Variants in SMG1 observed in about 807,000 individuals in gnomAD.
SMG1 encodes the protein serine/threonine-protein kinase SMG1.
In SMG1, 22 loss-of-function variants were observed where a neutral mutation model predicts 419.9. The ratio of observed to expected loss-of-function variants is 0.05; its 90% CI spans 0.04 to 0.07. SMG1 has a LOEUF of 0.07. Among genes scored for constraint, SMG1 ranks in the 10% least tolerant of loss-of-function variants. The pLI, the probability that SMG1 is intolerant of heterozygous loss-of-function variation, is 1.00. For missense variants in SMG1, 3,185 were observed against 4,342.0 expected (o/e 0.73, Z 7.49); for synonymous variants, 1,538 against 1,553.5 (o/e 0.99, Z 0.23).
At chr16:18,814,258 G>A (rs2031772228) in intron 60 of SMG1, among the ~76,000 whole-genome samples, 1 of 151,856 alleles carries the variant, frequency 6.6e-6, no homozygotes, top group African/African-American at 2.4e-5. Flanking sequence ...CAAATGCAGA[G>A]TGGTTTCTGC....
At chr16:18,905,457 T>G (rs1210718229) in intron 1 of SMG1, among the ~76,000 whole-genome samples, 1 of 152,104 alleles carries the variant, frequency 6.6e-6, no homozygotes, top group Admixed American at 6.6e-5. Flanking sequence ...GAACTGCCAC[T>G]CAAGACCTTC....
chr16:18,908,866 C>A (rs956914060), intron 1 of SMG1, among the ~76,000 whole-genome samples: 2 of 149,892 alleles, frequency 1.3e-5, no homozygotes, highest in Non-Finnish European at 3.0e-5. Flanking sequence ...GGTGACACAG[C>A]GAGACTCCGC....
intron 1 of SMG1, among the ~76,000 whole-genome samples, chr16:18,915,635 T>C (rs1440742658): frequency 2.0e-5 from 3 of 151,926 alleles, no homozygotes; most frequent in South Asian, 2.1e-4. Context: ...ATGGCACACA[T>C]AAAAATTCCA....
chr16:18,902,565 T>C (rs1412404531), intron 1 of SMG1, among the ~76,000 whole-genome samples: 1 of 151,788 alleles, frequency 6.6e-6, no homozygotes, highest in Non-Finnish European at 1.5e-5. Flanking sequence ...CCAGGCGAGG[T>C]GGTATGCGCC....
chr16:18,925,472 T>C (rs996271453), intron 1 of SMG1: 1 of 154,328 alleles, frequency 6.5e-6, no homozygotes, highest in African/African-American at 2.4e-5. Flanking sequence ...GCTGGAGTTT[T>C]GTTTTGTTTT....
chr16:18,914,941 ATT>A (rs35987365), intron 1 of SMG1, among the ~76,000 whole-genome samples: 2,151 of 142,448 alleles, frequency 0.015, 61 homozygotes, highest in African/African-American at 0.052. Context: ...AAATTACCAT[ATT>A]TTTTTTTTTT....
In SMG1 at chr16:18,885,521, A is replaced by C. The variant is rs756480883; in HGVS notation, c.948+20T>G. 25 of 1,595,846 alleles carry C rather than the reference A, an allele frequency of 1.6e-5. No homozygotes were observed. The highest frequency in any genetic ancestry group is 2.2e-4 in the Middle Eastern group (1 of 4,450). The stretch of plus-strand genomic sequence containing the variant: ...CATCCCCCTCACCCCATGATCTGAA[A>C]AGCGGAATGAGGAACTCACCCTAAA... On this transcript the variant is annotated intron_variant, in intron 7 of 62. Transcript: ENST00000446231.
At chr16:18,894,382 A>G (rs34610620) in intron 3 of SMG1, among the ~76,000 whole-genome samples, 14,437 of 152,180 alleles carry the variant, frequency 0.095, 737 homozygotes, top group Middle Eastern at 0.18. Context: ...AATGTCATCA[A>G]GTTACCAGCT....
intron 29 of SMG1, chr16:18,856,564 C>T (rs1279977301): frequency 1.3e-5 from 2 of 152,098 alleles, no homozygotes; most frequent in African/African-American, 2.4e-5. Flanking sequence ...GTCTCAATCT[C>T]CTGACCTCGT....
intron 4 of SMG1, among the ~76,000 whole-genome samples, chr16:18,892,006 G>A (rs1321378442): frequency 2.0e-5 from 3 of 152,150 alleles, no homozygotes; most frequent in Admixed American, 1.3e-4. Context: ...GTTTGAGACT[G>A]CAGTGAGCTA....
rs749143249 is a variant in SMG1 at position 18,829,426 on chromosome 16, C to T, written c.9463G>A (p.Val3155Ile). 2 of 1,613,904 alleles carry T rather than the reference C, an allele frequency of 1.2e-6. No homozygotes were observed. The highest frequency in any genetic ancestry group is 2.7e-5 in the African/African-American group (2 of 74,922). ...NIQIGKFSQL[V>I]MNRATVLASS... Reference sequence around the variant, plus strand: ...GCTAACACAGTTGCCCTGTTCATAACCAGCTGAGAGAACTTCCCTATCTGG... The same window carrying T: ...GCTAACACAGTTGCCCTGTTCATAATCAGCTGAGAGAACTTCCCTATCTGG... Residue 3155 changes from valine (V) to isoleucine (I), a missense_variant, in exon 54 of 63, where the codon GTT becomes ATT. Physicochemically the swap from Val to Ile is conservative, Grantham distance 29. Transcript: ENST00000446231.
rs564000421 is a variant in SMG1 at position 18,805,899 on chromosome 16, G to C, written c.*3670C>G. ...GCATTCACTGATATTTGATGTATCT[G>C]AATAGGACTAACAGGCTAATTGTAG... On this transcript the variant is annotated 3_prime_UTR_variant, in exon 63 of 63. Coordinates refer to ENST00000446231, the MANE Select transcript of SMG1 (RefSeq NM_015092.5). The C allele has an allele frequency of 1.3e-5, 2 of 152,590 alleles. No individual in the cohort carries two copies. The highest frequency in any genetic ancestry group is 4.1e-4 in the South Asian group (2 of 4,832). 9.5% of individuals were successfully genotyped at this position (152,590 alleles called of 1,614,324 possible).
chr16:18,911,052 A>C (rs990419963), intron 1 of SMG1, among the ~76,000 whole-genome samples: 12 of 152,206 alleles, frequency 7.9e-5, no homozygotes, highest in Non-Finnish European at 1.6e-4. Flanking sequence ...ATAGTCACAA[A>C]GATTAGATTA....
At chr16:18,855,987 T>C (rs967063467) in intron 29 of SMG1, among the ~76,000 whole-genome samples, 1 of 152,162 alleles carries the variant, frequency 6.6e-6, no homozygotes, top group Non-Finnish European at 1.5e-5. Context: ...TCCTACTCTC[T>C]CTTAGGTGAA....
chr16:18,845,337 C>T, intron 39 of SMG1, 92 bp downstream of exon 39: 1 of 1,079,058 alleles, frequency 9.3e-7, no homozygotes, highest in Non-Finnish European at 1.3e-6. Context: ...AAATCTCTTA[C>T]ATTCCAAGTA....
In SMG1 at chr16:18,829,596, G is replaced by T. The variant is rs1488835848; in HGVS notation, c.9293C>A (p.Pro3098His). 7 of 1,613,836 alleles carry T rather than the reference G, an allele frequency of 4.3e-6. No individual in the cohort carries two copies. The highest frequency in any genetic ancestry group is 5.9e-6 in the Non-Finnish European group (7 of 1,179,886). ...CAGTGTGAGTCCGAGGGCTTGGTTG[G>T]GTAGCCCTATCAAGAGCTGCCTCAC... ...DFVRQLLIGLPNQALGLTLCS... is the reference protein window; with the variant it reads ...DFVRQLLIGLHNQALGLTLCS... Residue 3098 changes from proline (P) to histidine (H), a missense_variant, in exon 54 of 63, where the codon CCC becomes CAC. Pro to His is a moderately conservative substitution (Grantham distance 77, BLOSUM62 -2). Around this residue, in one of 27 missense-constraint regions of SMG1, gnomAD observed 737 missense variants for 846.6 expected, o/e 0.87. Transcript: ENST00000446231.
chr16:18,851,592 ACT>A (rs1468236354), intron 33 of SMG1, among the ~76,000 whole-genome samples: 1 of 152,148 alleles, frequency 6.6e-6, no homozygotes, highest in Non-Finnish European at 1.5e-5. Context: ...AGACAGTCTC[ACT>A]CTGTCACCCA....
chr16:18,893,071 A>G (rs1266710346), intron 3 of SMG1, among the ~76,000 whole-genome samples: 2 of 152,228 alleles, frequency 1.3e-5, no homozygotes, highest in Non-Finnish European at 2.9e-5. Context: ...AGTCTCAATC[A>G]AGTAAAAACA....
At position 18,814,330 on chromosome 16, in the gene SMG1, GATATAT is replaced by G. The variant is rs546511357; in HGVS notation, c.10621+839_10621+844del. On this transcript the variant is annotated intron_variant, in intron 60 of 62. Transcript: ENST00000446231. The stretch of plus-strand genomic sequence containing the variant: ...ATTAAGTATTTTCCTATGTTTCTCT[GATATAT>G]ATATATATTTTTTTTAGCCAGGCAT... Among the ~76,000 whole-genome samples, 6 of 149,492 alleles carry G rather than the reference GATATAT, an allele frequency of 4.0e-5. 1 individual carries two copies. The highest frequency in any genetic ancestry group is 8.9e-5 in the Non-Finnish European group (6 of 67,318).
Sources: allele counts gnomAD v4.1 joint callset (sites outside exome capture counted in the v4.1 genomes callset), GRCh38; gene constraint gnomAD v4.1.1; regional missense constraint gnomAD v4.1.1; transcripts MANE v1.5; gene names NCBI Gene and HGNC (gene_info 2026-07-23, HGNC 2026-07-21).